Variants in SLC9A9 observed in about 807,000 individuals in gnomAD.
The protein encoded by SLC9A9 is sodium/hydrogen exchanger 9.
Under a neutral mutation model 77.8 loss-of-function variants are expected in SLC9A9, and 62 were observed. The observed-to-expected ratio is 0.80, with a 90% CI of 0.65 to 0.98. SLC9A9 has a LOEUF of 0.98. Among genes scored for constraint, SLC9A9 ranks in the 50% least tolerant of loss-of-function variants. The probability of loss-of-function intolerance (pLI) is 0.00; values close to 1 mark genes in which losing one functional copy is unlikely to be tolerated. For synonymous variants in SLC9A9, 320 were observed against 283.5 expected (o/e 1.13, Z -1.29); for missense variants, 775 against 774.9 (o/e 1.00, Z 0.00).
At chr3:143,702,029 G>A (rs1025237635) in intron 4 of SLC9A9, among the ~76,000 whole-genome samples, 1 of 152,066 alleles carries the variant, frequency 6.6e-6, no homozygotes, top group African/African-American at 2.4e-5. Flanking sequence ...AAGTGCTGAA[G>A]GAAAGAAACT....
intron 12 of SLC9A9, among the ~76,000 whole-genome samples, chr3:143,464,124 G>A (rs555260199): frequency 6.6e-6 from 1 of 152,148 alleles, no homozygotes; most frequent in Admixed American, 6.5e-5. Flanking sequence ...GGGTGTTTGG[G>A]TTCATTCAAT....
intron 4 of SLC9A9, among the ~76,000 whole-genome samples, chr3:143,707,421 T>G (rs1934015066): frequency 6.6e-6 from 1 of 151,598 alleles, no homozygotes; most frequent in African/African-American, 2.4e-5. Context: ...GAAGCCATCA[T>G]GATTCCTATT....
At chr3:143,404,366 C>T (rs1226668655) in intron 12 of SLC9A9, among the ~76,000 whole-genome samples, 2 of 151,744 alleles carry the variant, frequency 1.3e-5, no homozygotes, top group Admixed American at 6.6e-5. Context: ...GAGACAGGTT[C>T]TCACCATGTT....
At chr3:143,543,107 G>A (rs970042710) in intron 9 of SLC9A9, among the ~76,000 whole-genome samples, 7 of 152,274 alleles carry the variant, frequency 4.6e-5, no homozygotes, top group Non-Finnish European at 8.8e-5. Context: ...GGTTATCTTT[G>A]TAAGACAGAA....
intron 9 of SLC9A9, among the ~76,000 whole-genome samples, chr3:143,512,360 A>G (rs2036130632): frequency 6.6e-6 from 1 of 152,244 alleles, no homozygotes; most frequent in South Asian, 2.1e-4. Context: ...TTAACTACTT[A>G]AAATGAAAAG....
At chr3:143,745,507 T>C (rs1248813030) in intron 4 of SLC9A9, among the ~76,000 whole-genome samples, 1 of 152,236 alleles carries the variant, frequency 6.6e-6, no homozygotes, top group Admixed American at 6.5e-5. Context: ...ACTAAAATCA[T>C]CCTTCATGAA....
At chr3:143,470,412 G>A (rs974974823) in intron 11 of SLC9A9, among the ~76,000 whole-genome samples, 4 of 151,604 alleles carry the variant, frequency 2.6e-5, no homozygotes, top group African/African-American at 9.7e-5. Context: ...CCTGGGAGGC[G>A]GAGGTTTCAG....
At chr3:143,790,710 TA>T (rs1377144135) in intron 4 of SLC9A9, among the ~76,000 whole-genome samples, 11 of 152,296 alleles carry the variant, frequency 7.2e-5, no homozygotes, top group Non-Finnish European at 1.5e-4. Flanking sequence ...ATTTACCTCA[TA>T]GGGGTAGTAT....
chr3:143,794,263 A>C, intron 4 of SLC9A9, among the ~76,000 whole-genome samples: 1 of 152,128 alleles, frequency 6.6e-6, no homozygotes, highest in East Asian at 1.9e-4. Flanking sequence ...TCAAGGATAG[A>C]GTTGACTGTA....
At chr3:143,442,178 C>G (rs1246978334) in intron 12 of SLC9A9, among the ~76,000 whole-genome samples, 1 of 152,140 alleles carries the variant, frequency 6.6e-6, no homozygotes, top group African/African-American at 2.4e-5. Context: ...CAACGTAGAG[C>G]AAAATGAGTA....
intron 2 of SLC9A9, among the ~76,000 whole-genome samples, chr3:143,812,699 T>C (rs1471562217): frequency 6.6e-6 from 1 of 152,114 alleles, no homozygotes; most frequent in African/African-American, 2.4e-5. Flanking sequence ...TTTCTCTCCT[T>C]CCTTCCTTTT....
intron 4 of SLC9A9, among the ~76,000 whole-genome samples, chr3:143,746,601 CA>C (rs1935203505): frequency 6.6e-6 from 1 of 152,124 alleles, no homozygotes; most frequent in African/African-American, 2.4e-5. Context: ...GAATTGAATT[CA>C]AGACTTCTAT....
chr3:143,765,218 C>G (rs536033094), intron 4 of SLC9A9, among the ~76,000 whole-genome samples: 2 of 150,330 alleles, frequency 1.3e-5, no homozygotes, highest in African/African-American at 4.9e-5. Flanking sequence ...TTCTTTCTCT[C>G]TTTCTTGACA....
chr3:143,489,881 A>C (rs755199438), intron 11 of SLC9A9, among the ~76,000 whole-genome samples: 8 of 152,242 alleles, frequency 5.3e-5, no homozygotes, highest in African/African-American at 9.6e-5. Flanking sequence ...GTTTCTCCAA[A>C]GAAAATACAC....
At chr3:143,437,845 T>G (rs2034652727) in intron 12 of SLC9A9, among the ~76,000 whole-genome samples, 1 of 152,160 alleles carries the variant, frequency 6.6e-6, no homozygotes. Flanking sequence ...GACTATAAAC[T>G]TAACAGCATG....
chr3:143,428,859 C>G (rs900207624), intron 12 of SLC9A9, among the ~76,000 whole-genome samples: 1 of 152,126 alleles, frequency 6.6e-6, no homozygotes, highest in Admixed American at 6.5e-5. Context: ...GGAGTCCAAA[C>G]AGTTGATTTC....
At chr3:143,667,310 C>T (rs893970227) in intron 5 of SLC9A9, among the ~76,000 whole-genome samples, 65 of 152,290 alleles carry the variant, frequency 4.3e-4, no homozygotes, top group Non-Finnish European at 6.9e-4. Context: ...CCCTTCCTTA[C>T]ACCTTATACA....
At chr3:143,518,401 T>A (rs2036240341) in intron 9 of SLC9A9, among the ~76,000 whole-genome samples, 1 of 152,232 alleles carries the variant, frequency 6.6e-6, no homozygotes, top group South Asian at 2.1e-4. Flanking sequence ...CTGTGAAATA[T>A]AAAAACATAC....
chr3:143,830,951 T>C (rs1333747785), intron 2 of SLC9A9, among the ~76,000 whole-genome samples: 5 of 152,182 alleles, frequency 3.3e-5, no homozygotes, highest in Non-Finnish European at 5.9e-5. Context: ...AATATTATAA[T>C]TAGTTTGACT....
Sources: gnomAD v4.1 joint callset for allele counts (sites outside exome capture counted in the v4.1 genomes callset) on GRCh38, gnomAD v4.1.1 for gene constraint, MANE v1.5 for transcripts, NCBI Gene and HGNC (gene_info 2026-07-23, HGNC 2026-07-21) for gene names.